SBF2: variants seen among roughly 807,000 people sequenced by gnomAD.
The protein encoded by SBF2 is SET binding factor 2.
Under a neutral mutation model 225.2 loss-of-function variants are expected in SBF2, and 112 were observed. That is an observed-to-expected ratio of 0.50 (90% CI 0.43 to 0.58). The LOEUF is 0.58. Among genes scored for constraint, SBF2 ranks in the 20% least tolerant of loss-of-function variants. The pLI is 0.00. For synonymous variants in SBF2, 763 were observed against 773.3 expected (o/e 0.99, Z 0.22); for missense variants, 1,996 against 2,206.2 (o/e 0.90, Z 1.91).
intron 1 of SBF2, among the ~76,000 whole-genome samples, chr11:10,273,923 C>G (rs1388985413): frequency 6.6e-6 from 1 of 152,204 alleles, no homozygotes; most frequent in Non-Finnish European, 1.5e-5. Flanking sequence ...CATATGATGG[C>G]AGACCACAAA....
At chr11:10,254,054 A>T (rs1418925747) in intron 1 of SBF2, among the ~76,000 whole-genome samples, 1 of 152,060 alleles carries the variant, frequency 6.6e-6, no homozygotes, top group Non-Finnish European at 1.5e-5. Flanking sequence ...GTAAATTAGT[A>T]CAGTTATTAT....
chr11:9,835,653 C>T (rs1014311146), intron 26 of SBF2, among the ~76,000 whole-genome samples: 6 of 51,136 alleles, frequency 1.2e-4, no homozygotes, highest in African/African-American at 3.4e-4. Flanking sequence ...AAAAAGATTA[C>T]TACTATCCTG....
intron 3 of SBF2, among the ~76,000 whole-genome samples, chr11:10,041,540 T>C (rs963040583): frequency 6.6e-6 from 1 of 152,184 alleles, no homozygotes; most frequent in African/African-American, 2.4e-5. Flanking sequence ...ATAATGCATG[T>C]TTTGTTCTAT....
intron 2 of SBF2, among the ~76,000 whole-genome samples, chr11:10,074,583 T>C (rs1951023590): frequency 6.6e-6 from 1 of 152,226 alleles, no homozygotes; most frequent in Non-Finnish European, 1.5e-5. Flanking sequence ...CTTTTGCTTA[T>C]TTTAAGTGTT....
At chr11:9,803,125 T>C (rs2133886509) in intron 32 of SBF2, among the ~76,000 whole-genome samples, 1 of 152,340 alleles carries the variant, frequency 6.6e-6, no homozygotes, top group Non-Finnish European at 1.5e-5. Flanking sequence ...AGCATTCACC[T>C]ACAAATAATC....
At position 9,858,395 on chromosome 11, in the gene SBF2, T is replaced by G. The variant is rs1857475272; in HGVS notation, c.1931A>C (p.Lys644Thr). The G allele has an allele frequency of 1.2e-6, 2 of 1,614,114 alleles. No individual in the cohort carries two copies. The highest frequency in any genetic ancestry group is 1.7e-6 in the Non-Finnish European group (2 of 1,179,976). ...LLPLTSAFYR[K>T]LAPGVSQFAY... ...AAACTGGCTGACTCCAGGGGCAAGT[T>G]TCTGTGAGAACACACAAAATACATC... Residue 644 changes from lysine to threonine, a missense_variant and splice_region_variant, in exon 18 of 40, where the codon AAA (lysine) becomes ACA (threonine). Transcript: ENST00000256190.
chr11:10,141,059 T>C (rs761389263), intron 2 of SBF2, among the ~76,000 whole-genome samples: 1 of 152,178 alleles, frequency 6.6e-6, no homozygotes. Context: ...GGTCCAGAGA[T>C]GCATATATCC....
At chr11:9,906,081 G>A (rs1054829551) in intron 16 of SBF2, among the ~76,000 whole-genome samples, 1 of 152,040 alleles carries the variant, frequency 6.6e-6, no homozygotes, top group Admixed American at 6.6e-5. Context: ...TTTTCTTCCT[G>A]ACTTATTCCT....
At chr11:9,978,613 C>G (rs1946804295) in intron 13 of SBF2, among the ~76,000 whole-genome samples, 1 of 152,032 alleles carries the variant, frequency 6.6e-6, no homozygotes, top group African/African-American at 2.4e-5. Flanking sequence ...TAGGGATTGT[C>G]CATGTTTTTG....
chr11:10,071,922 A>G (rs1367778562), intron 2 of SBF2, among the ~76,000 whole-genome samples: 1 of 152,176 alleles, frequency 6.6e-6, no homozygotes, highest in East Asian at 1.9e-4. Context: ...GGATTTTCGC[A>G]TCAATACAGA....
At chr11:10,229,143 C>G (rs1401026400) in intron 1 of SBF2, among the ~76,000 whole-genome samples, 1 of 152,114 alleles carries the variant, frequency 6.6e-6, no homozygotes, top group Non-Finnish European at 1.5e-5. Context: ...GTTTGTATTT[C>G]TGTGGGATAG....
At chr11:10,263,392 C>T (rs1961630560) in intron 1 of SBF2, among the ~76,000 whole-genome samples, 2 of 151,956 alleles carry the variant, frequency 1.3e-5, no homozygotes, top group South Asian at 4.1e-4. Context: ...CCACACTTTA[C>T]TTTCTGTTTA....
chr11:10,043,232 C>T (rs1949723353), intron 2 of SBF2, among the ~76,000 whole-genome samples: 1 of 152,104 alleles, frequency 6.6e-6, no homozygotes, highest in Non-Finnish European at 1.5e-5. Context: ...TTTCTGAGAC[C>T]CAGGTAGGCC....
chr11:10,138,625 C>G (rs1954498694), intron 2 of SBF2, among the ~76,000 whole-genome samples: 1 of 151,718 alleles, frequency 6.6e-6, no homozygotes, highest in African/African-American at 2.4e-5. Flanking sequence ...CTGAGTAATA[C>G]TTTAGCTGAA....
At chr11:9,873,547 A>C (rs1417713286) in intron 17 of SBF2, among the ~76,000 whole-genome samples, 1 of 152,194 alleles carries the variant, frequency 6.6e-6, no homozygotes, top group East Asian at 1.9e-4. Flanking sequence ...GTACAACAGC[A>C]GGAAACCCAC....
At chr11:9,871,641 G>A (rs1001250578) in intron 17 of SBF2, among the ~76,000 whole-genome samples, 1 of 151,790 alleles carries the variant, frequency 6.6e-6, no homozygotes, top group Non-Finnish European at 1.5e-5. Flanking sequence ...ACAGGTGACC[G>A]CCACCATGCT....
chr11:9,831,179 T>G (rs781781639), intron 27 of SBF2, among the ~76,000 whole-genome samples: 1 of 152,080 alleles, frequency 6.6e-6, no homozygotes, highest in Non-Finnish European at 1.5e-5. Context: ...TGTATTTTTT[T>G]GTAGATATGG....
intron 1 of SBF2, among the ~76,000 whole-genome samples, chr11:10,213,985 A>C (rs1958033807): frequency 1.3e-5 from 2 of 152,354 alleles, no homozygotes; most frequent in African/African-American, 4.8e-5. Context: ...TAGAGTTATA[A>C]GACAAAAGAC....
rs35459604 is a variant in SBF2, at chr11:9,805,245, C to CAA, written c.4443+2753_4443+2754dup. Among the ~76,000 whole-genome samples, 1,197 of 137,000 alleles carry CAA rather than the reference C, an allele frequency of 8.7e-3. 11 individuals are homozygous for CAA. The highest frequency in any genetic ancestry group is 0.03 in the African/African-American group (1,090 of 36,222). 89.9% of individuals were successfully genotyped at this position (137,000 alleles called of 152,430 possible). A position where few individuals can be genotyped will look rare whatever the true frequency, so the allele number is the denominator to read the frequency against. ...TAGGTGACAGAGTGAGACTCTGTCT[C>CAA]AAAAAAAAAAAAAAATTATATACAT... On this transcript the variant is annotated intron_variant, in intron 32 of 39. Coordinates refer to ENST00000256190, the MANE Select transcript of SBF2 (RefSeq NM_030962.4).
Sources: gnomAD v4.1 joint callset for allele counts (sites outside exome capture counted in the v4.1 genomes callset) on GRCh38, gnomAD v4.1.1 for gene constraint, MANE v1.5 for transcripts, NCBI Gene and HGNC (gene_info 2026-07-23, HGNC 2026-07-21) for gene names.